The following CRTC3 variants were observed in gnomAD, a reference collection of about 807,000 sequenced individuals.
The protein encoded by CRTC3 is CREB regulated transcription coactivator 3, also known as CREB-regulated transcription coactivator 3.
In CRTC3, 26 loss-of-function variants were observed where a neutral mutation model predicts 74.5. The ratio of observed to expected loss-of-function variants is 0.35; its 90% CI spans 0.26 to 0.48. The LOEUF is 0.48. Among genes scored for constraint, CRTC3 ranks in the 20% least tolerant of loss-of-function variants. CRTC3 has a pLI of 0.99. For synonymous variants in CRTC3, 377 were observed against 325.8 expected (o/e 1.16, Z -1.69); for missense variants, 760 against 787.3 (o/e 0.97, Z 0.41).
At chr15:90,551,677 C>A (rs950673281) in intron 2 of CRTC3, among the ~76,000 whole-genome samples, 1 of 152,054 alleles carries the variant, frequency 6.6e-6, no homozygotes, top group Non-Finnish European at 1.5e-5. Flanking sequence ...CTTCCCTGCT[C>A]GTCTTTATCA....
chr15:90,624,427 T>C (rs1009523420), intron 9 of CRTC3, among the ~76,000 whole-genome samples: 3 of 152,036 alleles, frequency 2.0e-5, no homozygotes, highest in Admixed American at 6.5e-5. Context: ...TCCAGACTCC[T>C]GAGAACAGCA....
At position 90,644,736 on chromosome 15, in the gene CRTC3, C is replaced by T; in HGVS notation, c.*2596C>T. On this transcript the variant is annotated 3_prime_UTR_variant, in exon 15 of 15. Coordinates refer to ENST00000268184, the MANE Select transcript of CRTC3 (RefSeq NM_022769.5). Reference sequence around the variant, plus strand: ...CGGGCAGGGTCGCCCTGGCCCACAGCACGTGAGCCTGCACTCACTGCGGCC... The same window carrying T: ...CGGGCAGGGTCGCCCTGGCCCACAGTACGTGAGCCTGCACTCACTGCGGCC... 1 of 232,676 alleles carries T rather than the reference C, an allele frequency of 4.3e-6. No individual in the cohort carries two copies. The highest frequency in any genetic ancestry group is 8.5e-6 in the Non-Finnish European group (1 of 117,634). 14.4% of individuals were successfully genotyped at this position (232,676 alleles called of 1,614,324 possible).
chr15:90,557,529 G>A (rs1966919509), intron 2 of CRTC3, among the ~76,000 whole-genome samples: 1 of 152,108 alleles, frequency 6.6e-6, no homozygotes, highest in Non-Finnish European at 1.5e-5. Flanking sequence ...CCTCTTTGAG[G>A]GGCTCGTACA....
At chr15:90,586,457 C>G (rs556283308) in intron 2 of CRTC3, among the ~76,000 whole-genome samples, 4 of 151,392 alleles carry the variant, frequency 2.6e-5, no homozygotes, top group Admixed American at 6.6e-5. Flanking sequence ...ACCTCTGCCC[C>G]CTGGGTTCGA....
At chr15:90,545,599 T>C (rs1349926842) in intron 2 of CRTC3, among the ~76,000 whole-genome samples, 7 of 147,352 alleles carry the variant, frequency 4.8e-5, no homozygotes, top group African/African-American at 1.3e-4. Flanking sequence ...ACTTTTGAGA[T>C]GGAGTCTCAC....
intron 6 of CRTC3, among the ~76,000 whole-genome samples, chr15:90,608,463 A>T (rs568965766): frequency 6.7e-6 from 1 of 149,532 alleles, no homozygotes; most frequent in African/African-American, 2.5e-5. Context: ...TCTCTCTCTC[A>T]CTCCTGGCCA....
chr15:90,593,342 G>T (rs1054218779), intron 2 of CRTC3, among the ~76,000 whole-genome samples: 1 of 152,066 alleles, frequency 6.6e-6, no homozygotes, highest in African/African-American at 2.4e-5. Flanking sequence ...AGTTTTCTGG[G>T]ATTTAGTATA....
rs927202368 is a variant in CRTC3, at chr15:90,568,156, T to C, written c.232-25480T>C. On this transcript the variant is annotated intron_variant, in intron 2 of 14. Coordinates refer to ENST00000268184, the MANE Select transcript of CRTC3 (RefSeq NM_022769.5). ...GAGATCTAGAATTAGAAGTGGAGCC[T>C]GAAGATGTGACTGAATTGCTGCAAT... 3.3e-5 allele frequency among the ~76,000 whole-genome samples: 5 copies of C among 152,298 alleles called. No individual in the cohort carries two copies. The East Asian group carries it at 9.6e-4, about 29-fold the overall frequency.
intron 6 of CRTC3, among the ~76,000 whole-genome samples, chr15:90,608,084 G>C (rs147805145): frequency 6.6e-6 from 1 of 152,250 alleles, no homozygotes; most frequent in African/African-American, 2.4e-5. Flanking sequence ...GCCTTGAGAT[G>C]GGGGAAGAGG....
chr15:90,638,668 G>A, intron 12 of CRTC3, 22 bp downstream of exon 12: 1 of 1,613,054 alleles, frequency 6.2e-7, no homozygotes, highest in Non-Finnish European at 8.5e-7. Flanking sequence ...CAGGAGCGTT[G>A]GTGCAGAGGG....
chr15:90,559,034 G>C (rs557713524), intron 2 of CRTC3, among the ~76,000 whole-genome samples: 173 of 152,190 alleles, frequency 1.1e-3, no homozygotes, highest in African/African-American at 3.3e-3. Flanking sequence ...TTGCAGGTGT[G>C]AGCCACCGCG....
intron 2 of CRTC3, among the ~76,000 whole-genome samples, chr15:90,581,189 A>T (rs1159386378): frequency 6.6e-6 from 1 of 152,218 alleles, no homozygotes; most frequent in African/African-American, 2.4e-5. Flanking sequence ...GATCATTCCA[A>T]ACTCTGTGGC....
chr15:90,619,185 A>G (rs1361502359), intron 8 of CRTC3, among the ~76,000 whole-genome samples: 1 of 152,202 alleles, frequency 6.6e-6, no homozygotes, highest in Admixed American at 6.5e-5. Flanking sequence ...GTCCAGACCC[A>G]GTGGCTCATG....
chr15:90,611,748 G>A lies in CRTC3; in HGVS notation c.578-2705G>A, dbSNP rs181083556. On this transcript the variant is annotated intron_variant, in intron 6 of 14. Transcript: ENST00000268184. ...GTCCTCACTGCCAGTATCCTACTTG[G>A]TTCCTGTTTGCCTTGGACTATTGCA... 2.1e-3 allele frequency among the ~76,000 whole-genome samples: 318 copies of A among 152,164 alleles called. 4 individuals are homozygous for A. Among genetic ancestry groups the A allele is most frequent in the Admixed American group, 0.015 (229 of 15,292 alleles).
At chr15:90,569,056 A>G (rs575622463) in intron 2 of CRTC3, among the ~76,000 whole-genome samples, 3 of 151,134 alleles carry the variant, frequency 2.0e-5, no homozygotes, top group Non-Finnish European at 4.4e-5. Context: ...GCAGTGGTGC[A>G]ATCATAGCTC....
intron 11 of CRTC3, among the ~76,000 whole-genome samples, chr15:90,631,708 GAC>G (rs1215370548): frequency 1.4e-5 from 2 of 143,578 alleles, no homozygotes; most frequent in Non-Finnish European, 1.5e-5. Flanking sequence ...CAGCCTGGGT[GAC>G]AGAGTTACTC....
At chr15:90,542,793 G>A (rs1316708299) in intron 2 of CRTC3, among the ~76,000 whole-genome samples, 2 of 152,112 alleles carry the variant, frequency 1.3e-5, no homozygotes, top group African/African-American at 4.8e-5. Flanking sequence ...TACTCTTAAC[G>A]TTTGTGATCC....
At chr15:90,618,754 CT>C (rs1165228728) in intron 8 of CRTC3, among the ~76,000 whole-genome samples, 1 of 152,154 alleles carries the variant, frequency 6.6e-6, no homozygotes, top group Non-Finnish European at 1.5e-5. Flanking sequence ...TCTTAAAAGG[CT>C]TTTTGTAAAA....
Position 90,607,379 on chromosome 15 carries a change from A to G in CRTC3, c.478A>G (p.Thr160Ala). The G allele has an allele frequency of 6.2e-7, 1 of 1,607,350 alleles. No individual in the cohort carries two copies. The highest frequency in any genetic ancestry group is 8.5e-7 in the Non-Finnish European group (1 of 1,174,912). ...GFRLTSALNRTNSDSALHTSA... is the reference protein window; with the variant it reads ...GFRLTSALNRANSDSALHTSA... The stretch of plus-strand genomic sequence containing the variant: ...CAGCCTCTCTCCTCCCCTCCTTAGG[A>G]CCAATTCTGATTCTGCTCTTCACAC... Residue 160 changes from threonine to alanine, a missense_variant and splice_region_variant, in exon 6 of 15, where the codon ACC becomes GCC. Thr to Ala is a moderately conservative substitution (Grantham distance 58, BLOSUM62 0). Coordinates refer to ENST00000268184, the MANE Select transcript of CRTC3 (RefSeq NM_022769.5).
Sources: gnomAD v4.1 joint callset for allele counts (sites outside exome capture counted in the v4.1 genomes callset) on GRCh38, gnomAD v4.1.1 for gene constraint, MANE v1.5 for transcripts, NCBI Gene and HGNC (gene_info 2026-07-23, HGNC 2026-07-21) for gene names.